Variants in TUBA3D observed in about 807,000 individuals in gnomAD.
TUBA3D encodes the protein tubulin alpha 3d, also known as tubulin alpha-3D chain.
In TUBA3D, 24 loss-of-function variants were observed where a neutral mutation model predicts 36.1. That is an observed-to-expected ratio of 0.66 (90% CI 0.48 to 0.93). TUBA3D has a LOEUF of 0.93. TUBA3D is among the 40% of genes least tolerant of loss of function. TUBA3D has a pLI of 0.00. For synonymous variants in TUBA3D, 185 were observed against 247.2 expected (o/e 0.75, Z 2.36); for missense variants, 356 against 614.5 (o/e 0.58, Z 4.45).
chr2:131,480,713 C>T lies in TUBA3D; in HGVS notation c.1020C>T (p.Thr340=), dbSNP rs111626841. The part of the protein sequence containing the change: ...AAIATIKTKR[T]IQFVDWCPTG... ...TCGCCACCATCAAGACCAAGCGCAC[C>T]ATCCAGTTTGTGGATTGGTGCCCGA... Residue 340 remains threonine, a synonymous_variant, in exon 4 of 5, where the codon ACC becomes ACT. Coordinates refer to ENST00000321253, the MANE Select transcript of TUBA3D (RefSeq NM_080386.4). 151,128 of 1,593,788 alleles carry T rather than the reference C, an allele frequency of 0.095. 12,342 individuals are homozygous for T. Among genetic ancestry groups the T allele is most frequent in the African/African-American group, 0.42 (29,853 of 71,894 alleles).
intron 4 of TUBA3D, 58 bp downstream of exon 4, chr2:131,480,807 G>A: frequency 3.2e-6 from 5 of 1,570,212 alleles, no homozygotes; most frequent in Non-Finnish European, 4.3e-6. Context: ...AAATAACACT[G>A]GCCCTGAAGG....
intron 2 of TUBA3D, chr2:131,478,648 G>A (rs1472095145): frequency 8.9e-6 from 6 of 674,828 alleles, no homozygotes; most frequent in Non-Finnish European, 1.2e-5. Context: ...CCTCGTGCGT[G>A]CCTCAGCCCT....
At chr2:131,478,646 G>A (rs561877308) in intron 2 of TUBA3D, 18 of 689,688 alleles carry the variant, frequency 2.6e-5, no homozygotes, top group East Asian at 1.1e-4. Context: ...TCCCTCGTGC[G>A]TGCCTCAGCC....
chr2:131,482,874 T>G lies in TUBA3D; in HGVS notation c.*26T>G. 1 of 1,601,650 alleles carries G rather than the reference T, an allele frequency of 6.2e-7. No individual in the cohort carries two copies. ...GGGGAGGGTGTGGTGGGTTCTCCCC[T>G]GCCACCCCCGGGATGGCTGCTTCCA... is the stretch of plus-strand genomic sequence containing the variant. On this transcript the variant is annotated 3_prime_UTR_variant, in exon 5 of 5. Transcript: ENST00000321253.
rs544137848 is a variant in TUBA3D, at chr2:131,476,394, G to A, written c.3+192G>A. Among the ~76,000 whole-genome samples, 30 of 152,312 alleles carry A rather than the reference G, an allele frequency of 2.0e-4. 1 individual carries two copies. Among genetic ancestry groups the A allele is most frequent in the African/African-American group, 6.7e-4 (28 of 41,574 alleles). ...TCCCAGGGCAGGGACGGCGGCTTTT[G>A]TTTTAGATGAAGCTGCCGGCCTTTA... On this transcript the variant is annotated intron_variant, in intron 1 of 4. Transcript: ENST00000321253.
At chr2:131,477,365 A>G (rs1159881456) in intron 1 of TUBA3D, among the ~76,000 whole-genome samples, 1 of 152,216 alleles carries the variant, frequency 6.6e-6, no homozygotes, top group African/African-American at 2.4e-5. Flanking sequence ...ACCAAAGGAC[A>G]GTGCAGTGTC....
intron 4 of TUBA3D, among the ~76,000 whole-genome samples, chr2:131,481,060 C>A (rs553725092): frequency 6.6e-6 from 1 of 152,030 alleles, no homozygotes; most frequent in South Asian, 2.1e-4. Context: ...CCCGCTACCA[C>A]GCCCGGCTAA....
In TUBA3D at chr2:131,482,722, G is replaced by A. The variant is rs773371130; in HGVS notation, c.1227G>A (p.Val409=). 34 of 1,614,072 alleles carry A rather than the reference G, an allele frequency of 2.1e-5. No homozygotes were observed. In the Admixed American group the frequency reaches 5.0e-4, roughly 24 times the overall value. The part of the protein sequence containing the change: ...YAKRAFVHWY[V]GEGMEEGEFS... ...AGCGGGCCTTTGTGCACTGGTACGT[G>A]GGCGAAGGCATGGAAGAGGGAGAGT... The change falls in exon 5 of 5, where the codon GTG becomes GTA. Residue 409 remains valine (V), a synonymous_variant. Coordinates refer to ENST00000321253, the MANE Select transcript of TUBA3D (RefSeq NM_080386.4).
At chr2:131,480,835 GATTATCCCT>G in intron 4 of TUBA3D, 86 bp downstream of exon 4, 1 of 1,537,302 alleles carries the variant, frequency 6.5e-7, no homozygotes, top group Non-Finnish European at 8.8e-7. Flanking sequence ...CCTTTGGGGA[GATTATCCCT>G]GTTCCATGGG....
Position 131,476,162 on chromosome 2 carries a change from T to C in TUBA3D, c.-38T>C, listed in dbSNP as rs1573855156. ...CAGCAGCTGTGGCAGCCGGTTGAGG[T>C]CTGGCAGTAGCGTTGGGCTGAAGCA... On this transcript the variant is annotated 5_prime_UTR_variant, in exon 1 of 5. Coordinates refer to ENST00000321253, the MANE Select transcript of TUBA3D (RefSeq NM_080386.4). 2 of 1,613,428 alleles carry C rather than the reference T, an allele frequency of 1.2e-6. No individual in the cohort carries two copies. The highest frequency in any genetic ancestry group is 1.7e-6 in the Non-Finnish European group (2 of 1,179,884).
Position 131,482,674 on chromosome 2 carries a change from T to C in TUBA3D, c.1179T>C (p.His393=). 6.2e-7 allele frequency: 1 copy of C among 1,614,106 alleles called. No homozygotes were observed. The highest frequency in any genetic ancestry group is 8.5e-7 in the Non-Finnish European group (1 of 1,180,010). ...AIAEAWARLD[H]KFDLMYAKRA... is the part of the protein sequence containing the mutation. ...CGGAGGCCTGGGCCCGCCTGGACCA[T>C]AAGTTCGATCTCATGTATGCCAAGC... The change falls in exon 5 of 5, where the codon CAT becomes CAC. Residue 393 remains histidine, a synonymous_variant. Coordinates refer to ENST00000321253, the MANE Select transcript of TUBA3D (RefSeq NM_080386.4).
intron 1 of TUBA3D, 138 bp downstream of exon 1, chr2:131,476,340 G>A (rs1309064251): frequency 6.8e-7 from 1 of 1,465,000 alleles, no homozygotes; most frequent in African/African-American, 1.4e-5. Context: ...GGGACAGGAG[G>A]ACACGGGATC....
intron 2 of TUBA3D, 194 bp downstream of exon 2, chr2:131,478,580 A>C (rs1678750099): frequency 9.8e-7 from 1 of 1,015,868 alleles, no homozygotes; most frequent in East Asian, 2.6e-5. Context: ...ATTTAGGAAA[A>C]CCTGACCTAC....
rs190063449 is a variant in TUBA3D, at chr2:131,478,705, C to T, written c.226+319C>T. 722 of 461,230 alleles carry T rather than the reference C, an allele frequency of 1.6e-3. 10 individuals carry two copies. The highest frequency in any genetic ancestry group is 0.013 in the African/African-American group (648 of 51,632). The allele number at this position is 461,230 out of a possible 1,614,324, so 28.6% of individuals were successfully genotyped here. A position where few individuals can be genotyped will look rare whatever the true frequency, so the allele number is the denominator to read the frequency against. On this transcript the variant is annotated intron_variant, in intron 2 of 4. Coordinates refer to ENST00000321253, the MANE Select transcript of TUBA3D (RefSeq NM_080386.4). ...GGGTGCAGTGGCATTGGTTCCCTCC[C>T]GAATGCTGTGCATTCTCTTATGCTG...
intron 3 of TUBA3D, among the ~76,000 whole-genome samples, chr2:131,479,784 G>A (rs183926391): frequency 1.3e-5 from 2 of 152,146 alleles, no homozygotes; most frequent in Non-Finnish European, 2.9e-5. Context: ...AGGTTGCAAT[G>A]AGCTGAGATT....
In TUBA3D at chr2:131,482,815, G is replaced by A. The variant is rs1678907500; in HGVS notation, c.1320G>A (p.Val440=). Residue 440 remains valine (V), a synonymous_variant, in exon 5 of 5, where the codon GTG becomes GTA. Coordinates refer to ENST00000321253, the MANE Select transcript of TUBA3D (RefSeq NM_080386.4). ...ATGAAGAGGTGGGCGTGGATTCCGTGGAAGCTGAGGCTGAAGAAGGCGAAG... is the reference window on the plus strand; with the variant it reads ...ATGAAGAGGTGGGCGTGGATTCCGTAGAAGCTGAGGCTGAAGAAGGCGAAG... The part of the protein sequence containing the change: ...KDYEEVGVDS[V]EAEAEEGEEY 2 of 1,614,210 alleles carry A rather than the reference G, an allele frequency of 1.2e-6. No homozygotes were observed. Among genetic ancestry groups the A allele is most frequent in the Non-Finnish European group, 1.7e-6 (2 of 1,180,042 alleles).
At chr2:131,481,373 A>T (rs1678860184) in intron 4 of TUBA3D, among the ~76,000 whole-genome samples, 1 of 150,528 alleles carries the variant, frequency 6.6e-6, no homozygotes, top group African/African-American at 2.5e-5. Context: ...GGCTCCAGCG[A>T]TTCTCTCACC....
chr2:131,480,409 C>T lies in TUBA3D; in HGVS notation c.716C>T (p.Thr239Ile), dbSNP rs375120577. 19 of 1,588,476 alleles carry T rather than the reference C, an allele frequency of 1.2e-5. No homozygotes were observed. Among genetic ancestry groups the T allele is most frequent in the Admixed American group, 1.0e-4 (6 of 59,330 alleles). Reference protein sequence around the residue: ...RLIGQIVSSITASLRFDGALN... With the variant: ...RLIGQIVSSIIASLRFDGALN... ...ATTGGGCAGATCGTGTCCTCCATCA[C>T]AGCCTCCCTGCGATTTGATGGGGCC... Residue 239 changes from threonine (T) to isoleucine (I), a missense_variant, in exon 4 of 5, where the codon ACA becomes ATA. Around this residue, in one of 3 missense-constraint regions of TUBA3D, gnomAD observed 91 missense variants for 240.9 expected, o/e 0.38. Transcript: ENST00000321253.
chr2:131,481,769 T>C lies in TUBA3D; in HGVS notation c.1057-783T>C, dbSNP rs188988345. On this transcript the variant is annotated intron_variant, in intron 4 of 4. Transcript: ENST00000321253. ...TTTTAGTAGAGATGGGGTTTCGCCATGTTGGCCAGGCTGGTCTCAAACCCC... is the reference window on the plus strand; with the variant it reads ...TTTTAGTAGAGATGGGGTTTCGCCACGTTGGCCAGGCTGGTCTCAAACCCC... 1.5e-4 allele frequency among the ~76,000 whole-genome samples: 23 copies of C among 152,344 alleles called. No homozygotes were observed. The East Asian group carries it at 4.4e-3, about 29-fold the overall frequency.
Sources: gnomAD v4.1 joint callset for allele counts (sites outside exome capture counted in the v4.1 genomes callset) on GRCh38, gnomAD v4.1.1 for gene constraint, gnomAD v4.1.1 regional missense constraint, MANE v1.5 for transcripts, NCBI Gene and HGNC (gene_info 2026-07-23, HGNC 2026-07-21) for gene names.